MYO18B: variants seen among roughly 807,000 people sequenced by gnomAD.
MYO18B encodes the protein myosin XVIIIB, also known as unconventional myosin-XVIIIb.
A neutral mutation model predicts 273.0 loss-of-function variants in MYO18B; 204 were observed. That is an observed-to-expected ratio of 0.75 (90% CI 0.67 to 0.84). The LOEUF is 0.84. MYO18B is among the 40% of genes least tolerant of loss of function. MYO18B has a pLI of 0.00. For synonymous variants in MYO18B, 1,330 were observed against 1,305.7 expected (o/e 1.02, Z -0.40); for missense variants, 3,212 against 3,287.6 (o/e 0.98, Z 0.56).
intron 22 of MYO18B, among the ~76,000 whole-genome samples, chr22:25,871,146 A>G (rs1245590618): frequency 1.3e-5 from 2 of 152,264 alleles, no homozygotes; most frequent in South Asian, 2.1e-4. Context: ...ATAATGGAGA[A>G]GGCTATGAAG....
At chr22:25,835,678 C>T (rs2089873279) in intron 17 of MYO18B, among the ~76,000 whole-genome samples, 1 of 152,256 alleles carries the variant, frequency 6.6e-6, no homozygotes. Flanking sequence ...TGGCGTGGGC[C>T]AGTCCTCATG....
chr22:25,764,976 T>C (rs891380692), intron 3 of MYO18B, among the ~76,000 whole-genome samples: 1 of 152,130 alleles, frequency 6.6e-6, no homozygotes, highest in African/African-American at 2.4e-5. Flanking sequence ...TCTCACAAGA[T>C]GCCTGGAAAA....
At chr22:25,796,789 G>C (rs1180220463) in intron 11 of MYO18B, among the ~76,000 whole-genome samples, 2 of 152,256 alleles carry the variant, frequency 1.3e-5, no homozygotes, top group Non-Finnish European at 2.9e-5. Context: ...CAGGAATATC[G>C]TGGGGGCACG....
chr22:25,775,770 T>C (rs2086891490), intron 7 of MYO18B, among the ~76,000 whole-genome samples: 1 of 152,084 alleles, frequency 6.6e-6, no homozygotes, highest in Non-Finnish European at 1.5e-5. Flanking sequence ...TCCTTGGTGA[T>C]CTCATCCAGG....
chr22:25,864,732 C>T (rs1040962263), intron 21 of MYO18B, among the ~76,000 whole-genome samples: 7 of 152,194 alleles, frequency 4.6e-5, no homozygotes, highest in South Asian at 4.1e-4. Flanking sequence ...AAGTTGGAAA[C>T]AAAACAAGTT....
the MYO18B span, among the ~76,000 whole-genome samples, chr22:26,046,921 A>G: frequency 6.6e-6 from 1 of 152,116 alleles, no homozygotes; most frequent in Non-Finnish European, 1.5e-5. Context: ...GGTTGCTGTC[A>G]GAGATCCAGT....
rs776018266 is a variant in MYO18B at position 25,772,557 on chromosome 22, G to A, written c.1869+47G>A. 9.6e-6 allele frequency: 15 copies of A among 1,555,498 alleles called. No individual in the cohort carries two copies. In the African/African-American group the frequency reaches 1.5e-4, roughly 16 times the overall value. ...CAGGGCTGAGGGGCTGAGGGCAGGG[G>A]GGCCTGGGGGGATCCCTCTGCATCT... On this transcript the variant is annotated intron_variant, in intron 7 of 43. Transcript: ENST00000335473.
chr22:25,902,464 A>G (rs762549857), intron 29 of MYO18B, 149 bp from the exon 30 acceptor site: 130 of 894,604 alleles, frequency 1.5e-4, no homozygotes, highest in Non-Finnish European at 2.0e-4. Flanking sequence ...AACTTCTCAT[A>G]CTTTCTCTAT....
rs552336057 is a variant in MYO18B at position 25,905,644 on chromosome 22, C to T, written c.5148+1813C>T. Among the ~76,000 whole-genome samples the T allele has an allele frequency of 1.2e-4, 19 of 152,228 alleles. No individual in the cohort carries two copies. The South Asian group carries it at 3.3e-3, about 27-fold the overall frequency. ...AAAGCCTGAAGACAGACAGGATAGTCGTAGGATATTCAAGGAGCTGTAATA... is the reference window on the plus strand; with the variant it reads ...AAAGCCTGAAGACAGACAGGATAGTTGTAGGATATTCAAGGAGCTGTAATA... On this transcript the variant is annotated intron_variant, in intron 31 of 43. Transcript: ENST00000335473.
At chr22:25,841,028 C>T (rs1344437198) in intron 17 of MYO18B, among the ~76,000 whole-genome samples, 4 of 152,240 alleles carry the variant, frequency 2.6e-5, no homozygotes, top group Admixed American at 6.5e-5. Flanking sequence ...ATCCAGAACA[C>T]TTGGGGCATT....
chr22:25,777,479 C>G, intron 7 of MYO18B, 104 bp from the exon 8 acceptor site: 1 of 1,112,646 alleles, frequency 9.0e-7, no homozygotes, highest in Non-Finnish European at 1.2e-6. Flanking sequence ...GATCTGGAGG[C>G]AGGGACACAG....
intron 37 of MYO18B, among the ~76,000 whole-genome samples, chr22:25,951,876 T>C (rs953926188): frequency 2.0e-5 from 3 of 152,176 alleles, no homozygotes; most frequent in Non-Finnish European, 4.4e-5. Context: ...GAACTGACTT[T>C]CTCAGACTCA....
chr22:25,978,461 G>A (rs915140109), intron 39 of MYO18B, among the ~76,000 whole-genome samples: 1 of 152,202 alleles, frequency 6.6e-6, no homozygotes, highest in African/African-American at 2.4e-5. Context: ...GCAGCAAAAA[G>A]AAAGGGCGAG....
At chr22:26,043,812 C>T in the MYO18B span, among the ~76,000 whole-genome samples, 678 of 152,084 alleles carry the variant, frequency 4.5e-3, 5 homozygotes, top group Middle Eastern at 6.8e-3. Context: ...CCACTGCACC[C>T]GGCCTTCTTT....
chr22:25,979,191 G>A (rs1357330614), intron 39 of MYO18B, among the ~76,000 whole-genome samples: 1 of 152,080 alleles, frequency 6.6e-6, no homozygotes, highest in African/African-American at 2.4e-5. Context: ...TGGGCTAGTG[G>A]GCTGAGAAGA....
intron 22 of MYO18B, among the ~76,000 whole-genome samples, chr22:25,873,332 G>A (rs1261410816): frequency 6.6e-6 from 1 of 152,174 alleles, no homozygotes; most frequent in Non-Finnish European, 1.5e-5. Flanking sequence ...AGATCCCTCA[G>A]CACCTCTGTG....
chr22:25,977,640 G>A (rs1005100961), intron 39 of MYO18B, among the ~76,000 whole-genome samples: 1 of 152,126 alleles, frequency 6.6e-6, no homozygotes, highest in Non-Finnish European at 1.5e-5. Context: ...AGAATGAGGG[G>A]CACAGGGAAG....
chr22:26,058,589 C>G, the MYO18B span, among the ~76,000 whole-genome samples: 1 of 152,142 alleles, frequency 6.6e-6, no homozygotes, highest in East Asian at 1.9e-4. Context: ...GTGTTAGGGT[C>G]AAAGAGACAG....
At chr22:25,977,271 C>T (rs2093100286) in intron 39 of MYO18B, among the ~76,000 whole-genome samples, 2 of 146,650 alleles carry the variant, frequency 1.4e-5, no homozygotes, top group Non-Finnish European at 3.0e-5. Flanking sequence ...AGGGGTGATC[C>T]GATTTTCCAA....
Sources: gnomAD v4.1 joint callset for allele counts (sites outside exome capture counted in the v4.1 genomes callset) on GRCh38, gnomAD v4.1.1 for gene constraint, MANE v1.5 for transcripts, NCBI Gene and HGNC (gene_info 2026-07-23, HGNC 2026-07-21) for gene names.